The following KYAT3 variants were observed in gnomAD, a reference collection of about 807,000 sequenced individuals.
The protein encoded by KYAT3 is kynurenine aminotransferase 3, also known as kynurenine--oxoglutarate transaminase 3.
In KYAT3, 50 loss-of-function variants were observed where a neutral mutation model predicts 59.0. The ratio of observed to expected loss-of-function variants is 0.85; its 90% CI spans 0.68 to 1.07. KYAT3 has a LOEUF of 1.07. KYAT3 is among the 50% of genes least tolerant of loss of function. The pLI is 0.00. For synonymous variants in KYAT3, 148 were observed against 177.0 expected (o/e 0.84, Z 1.30); for missense variants, 497 against 533.3 (o/e 0.93, Z 0.67).
chr1:88,944,566 T>A (rs1232820541), intron 11 of KYAT3, among the ~76,000 whole-genome samples: 1 of 152,240 alleles, frequency 6.6e-6, no homozygotes, highest in Admixed American at 6.5e-5. Context: ...GTAATGATAA[T>A]CCTCTGTTTA....
the KYAT3 span, chr1:88,923,757 G>A: frequency 3.4e-6 from 1 of 289,902 alleles, no homozygotes; most frequent in South Asian, 3.2e-5. Flanking sequence ...GTCTGCCAGT[G>A]CCTGTCTCAG....
At chr1:88,984,011 C>G in intron 2 of KYAT3, 1 of 514,562 alleles carries the variant, frequency 1.9e-6, no homozygotes, top group Non-Finnish European at 3.6e-6. Context: ...ATTCAAAAAA[C>G]CAGGAAAATT....
At chr1:88,984,204 C>CCTTTTT (rs1677299475) in intron 2 of KYAT3, 1 of 81,470 alleles carries the variant, frequency 1.2e-5, no homozygotes, top group Non-Finnish European at 2.6e-5. Context: ...TTTTTTGTTG[C>CCTTTTT]TTTTTTTTTT....
At position 88,949,164 on chromosome 1, in the gene KYAT3, T is replaced by C. The variant is rs1675570269; in HGVS notation, c.1068A>G (p.Leu356=). Residue 356 remains leucine (L), a synonymous_variant, in exon 11 of 14, where the codon TTA becomes TTG. Transcript: ENST00000260508. ...TGGGTTTTAGGCCAACACTTTCAAGTAAACGTACCATCCGATCTCTTTTTA... is the reference window on the plus strand; with the variant it reads ...TGGGTTTTAGGCCAACACTTTCAAGCAAACGTACCATCCGATCTCTTTTTA... The part of the protein sequence containing the change: ...LEVKRDRMVR[L]LESVGLKPIV... The C allele has an allele frequency of 1.2e-6, 2 of 1,610,822 alleles. No homozygotes were observed. Among genetic ancestry groups the C allele is most frequent in the African/African-American group, 2.7e-5 (2 of 74,856 alleles).
In KYAT3 at chr1:88,955,191, T is replaced by C; in HGVS notation, c.822A>G (p.Thr274=). ...TGAAAGTCTTTCCAGCACTTCCTAT[T>C]GTTATTGTTCTCTCCCACATACCTG... ...TFPGMWERTI[T]IGSAGKTFSV... The change falls in exon 9 of 14, where the codon ACA becomes ACG. Residue 274 remains threonine, a synonymous_variant. Coordinates refer to ENST00000260508, the MANE Select transcript of KYAT3 (RefSeq NM_001008661.3). 1 of 1,612,724 alleles carries C rather than the reference T, an allele frequency of 6.2e-7. No homozygotes were observed. The highest frequency in any genetic ancestry group is 8.5e-7 in the Non-Finnish European group (1 of 1,178,876).
Position 88,962,712 on chromosome 1 carries a change from T to G in KYAT3, c.454-567A>C, listed in dbSNP as rs184823866. Among the ~76,000 whole-genome samples, 334 of 152,320 alleles carry G rather than the reference T, an allele frequency of 2.2e-3. 3 individuals carry two copies. The highest frequency in any genetic ancestry group is 7.9e-3 in the African/African-American group (328 of 41,582). ...TGGGGTTTCGCCGTGTTGCCCAGGC[T>G]GGTCTCAAACTCCTAACCTCAGGTG... is the stretch of plus-strand genomic sequence containing the variant. On this transcript the variant is annotated intron_variant, in intron 5 of 13. Transcript: ENST00000260508.
At chr1:88,954,087 A>G (rs375892918) in intron 9 of KYAT3, among the ~76,000 whole-genome samples, 1 of 151,702 alleles carries the variant, frequency 6.6e-6, no homozygotes, top group Non-Finnish European at 1.5e-5. Context: ...TATTTAGTAG[A>G]GATGGGGTTC....
chr1:88,969,379 C>A, intron 3 of KYAT3, 30 bp downstream of exon 3: 1 of 1,375,418 alleles, frequency 7.3e-7, no homozygotes, highest in Non-Finnish European at 1.0e-6. Flanking sequence ...GAAACCCTCA[C>A]TAAATTATTA....
chr1:88,955,135 CT>C lies in KYAT3; in HGVS notation c.864+13del. The C allele has an allele frequency of 1.3e-6, 2 of 1,547,258 alleles. No homozygotes were observed. Among genetic ancestry groups the C allele is most frequent in the Non-Finnish European group, 1.8e-6 (2 of 1,120,340 alleles). On this transcript the variant is annotated intron_variant, in intron 9 of 13. Transcript: ENST00000260508. ...AGGCCTATTTTTAAGCAATTAAATT[CT>C]TACTCATCTTACCTTCCAGCCAGTT...
intron 2 of KYAT3, among the ~76,000 whole-genome samples, chr1:88,972,926 C>A (rs546784773): frequency 6.6e-6 from 1 of 152,164 alleles, no homozygotes; most frequent in Non-Finnish European, 1.5e-5. Flanking sequence ...ACCATGCCCC[C>A]CTTAGTTTCA....
chr1:88,978,111 G>A (rs1570827662), intron 2 of KYAT3, among the ~76,000 whole-genome samples: 1 of 149,572 alleles, frequency 6.7e-6, no homozygotes, highest in African/African-American at 2.4e-5. Flanking sequence ...ATATACACAT[G>A]TATGTATATG....
At chr1:88,981,441 A>T (rs1357825107) in intron 2 of KYAT3, 3 of 152,982 alleles carry the variant, frequency 2.0e-5, no homozygotes, top group Admixed American at 6.5e-5. Context: ...GACTACCTCC[A>T]CTTACCAATT....
intron 2 of KYAT3, among the ~76,000 whole-genome samples, chr1:88,978,081 CATATGT>C (rs968660168): frequency 9.2e-5 from 14 of 151,954 alleles, no homozygotes; most frequent in African/African-American, 3.1e-4. Flanking sequence ...AATATATACA[CATATGT>C]ATATATGTAT....
chr1:88,986,192 AAGAGAG>A, intron 2 of KYAT3, among the ~76,000 whole-genome samples: 1 of 150,212 alleles, frequency 6.7e-6, no homozygotes, highest in East Asian at 2.0e-4. Flanking sequence ...AAAAAAAAAA[AAGAGAG>A]AGAGAGAGAG....
rs951446934 is a variant in KYAT3, at chr1:88,935,810, G to A, written c.*373C>T. On this transcript the variant is annotated 3_prime_UTR_variant, in exon 14 of 14. Coordinates refer to ENST00000260508, the MANE Select transcript of KYAT3 (RefSeq NM_001008661.3). ...CAGATGAGTGTTTATTGTTTGCCAG[G>A]CTTTTTGCATACATTAGTCCATTTA... is the stretch of plus-strand genomic sequence containing the variant. 9 of 399,002 alleles carry A rather than the reference G, an allele frequency of 2.3e-5. No individual in the cohort carries two copies. The highest frequency in any genetic ancestry group is 3.5e-5 in the Non-Finnish European group (8 of 226,364). The allele number at this position is 399,002 out of a possible 1,614,324, so 24.7% of individuals were successfully genotyped here. A position where few individuals can be genotyped will look rare whatever the true frequency, so the allele number is the denominator to read the frequency against.
chr1:88,981,956 C>A (rs542071560), intron 2 of KYAT3: 1 of 982,794 alleles, frequency 1.0e-6, no homozygotes, highest in Non-Finnish European at 1.2e-6. Context: ...ACCTTTGCAG[C>A]TTCATGGTTG....
At chr1:88,983,903 C>A in intron 2 of KYAT3, 1 of 1,564,268 alleles carries the variant, frequency 6.4e-7, no homozygotes, top group Non-Finnish European at 8.8e-7. Context: ...GGCTTCCTAG[C>A]AGCTCAGCAC....
chr1:88,951,701 G>A (rs2101030339), intron 10 of KYAT3, among the ~76,000 whole-genome samples: 1 of 151,398 alleles, frequency 6.6e-6, no homozygotes, highest in South Asian at 2.1e-4. Context: ...ATGTATTCTA[G>A]AAATCTTTTT....
At chr1:88,983,201 G>A in intron 2 of KYAT3, 1 of 1,612,846 alleles carries the variant, frequency 6.2e-7, no homozygotes, top group Non-Finnish European at 8.5e-7. Flanking sequence ...ATCATCTCTT[G>A]GGGACAAATA....
Sources: allele counts gnomAD v4.1 joint callset (sites outside exome capture counted in the v4.1 genomes callset), GRCh38; gene constraint gnomAD v4.1.1; transcripts MANE v1.5; gene names NCBI Gene and HGNC (gene_info 2026-07-23, HGNC 2026-07-21).